The following PCDHGA1 variants were observed in gnomAD, a reference collection of about 807,000 sequenced individuals.
PCDHGA1 encodes the protein protocadherin gamma-A1.
In PCDHGA1, 32 loss-of-function variants were observed where a neutral mutation model predicts 58.0. The ratio of observed to expected loss-of-function variants is 0.55; its 90% confidence interval spans 0.42 to 0.74. The LOEUF (loss-of-function observed/expected upper bound fraction) is 0.74. Among genes scored for constraint, PCDHGA1 ranks in the 30% least tolerant of loss-of-function variants. PCDHGA1 has a pLI of 0.00. For synonymous variants in PCDHGA1, 498 were observed against 501.1 expected (o/e 0.99, Z 0.08); for missense variants, 1,205 against 1,182.3 (o/e 1.02, Z -0.28).
Position 141,399,184 on chromosome 5 carries a change from C to T in PCDHGA1, c.2421+66079C>T, listed in dbSNP as rs1398440525. The T allele has an allele frequency of 1.9e-6, 3 of 1,613,746 alleles. No individual in the cohort carries two copies. In the African/African-American group the frequency reaches 4.0e-5, roughly 22 times the overall value. On this transcript the variant is annotated intron_variant, in intron 1 of 3. Coordinates refer to ENST00000517417, the MANE Select transcript of PCDHGA1 (RefSeq NM_018912.3). The stretch of plus-strand genomic sequence containing the variant: ...ATTCCATTCTCTACTTGAAATGATT[C>T]TGGAAAACGCGGTGCCTGGAACACT...
At chr5:141,417,795 T>C in intron 1 of PCDHGA1, 1 of 1,483,780 alleles carries the variant, frequency 6.7e-7, no homozygotes, top group Non-Finnish European at 9.0e-7. Context: ...AATGCTCTTT[T>C]AGCGCGGTAG....
intron 1 of PCDHGA1, chr5:141,361,949 C>T: frequency 6.2e-7 from 1 of 1,604,150 alleles, no homozygotes; most frequent in Non-Finnish European, 8.5e-7. Flanking sequence ...GCTTGGCTGT[C>T]CTACCACGTG....
chr5:141,444,494 A>G (rs892854259), intron 1 of PCDHGA1, among the ~76,000 whole-genome samples: 1 of 152,010 alleles, frequency 6.6e-6, no homozygotes, highest in Admixed American at 6.6e-5. Flanking sequence ...ATATTGTGTA[A>G]TACTTTGCTC....
At position 141,510,839 on chromosome 5, in the gene PCDHGA1, C is replaced by G. The variant is rs186647886; in HGVS notation, c.2570-108C>G. The stretch of plus-strand genomic sequence containing the variant: ...CTATATTCCCAGTGCTCAGCGTGGT[C>G]AAGGCCCAGGGTGCTGTATAGGCAT... On this transcript the variant is annotated intron_variant, in intron 3 of 3. Coordinates refer to ENST00000517417, the MANE Select transcript of PCDHGA1 (RefSeq NM_018912.3). The G allele has an allele frequency of 6.5e-5, 103 of 1,587,108 alleles. No individual in the cohort carries two copies. The East Asian group carries it at 1.6e-3, about 25-fold the overall frequency.
intron 1 of PCDHGA1, chr5:141,409,534 C>A (rs774144232): frequency 3.1e-6 from 5 of 1,613,986 alleles, no homozygotes; most frequent in Non-Finnish European, 4.2e-6. Flanking sequence ...ATGTCGCTGA[C>A]ATCAACGACA....
At chr5:141,366,899 C>A in intron 1 of PCDHGA1, 1 of 1,196,082 alleles carries the variant, frequency 8.4e-7, no homozygotes, top group Non-Finnish European at 1.1e-6. Flanking sequence ...ATAATTCATG[C>A]TTTCTCCATT....
chr5:141,453,387 G>A (rs1313174494), intron 1 of PCDHGA1, among the ~76,000 whole-genome samples: 1 of 151,936 alleles, frequency 6.6e-6, no homozygotes, highest in Non-Finnish European at 1.5e-5. Flanking sequence ...TCCTGCCTTA[G>A]CCTCCAAGTG....
intron 1 of PCDHGA1, among the ~76,000 whole-genome samples, chr5:141,430,358 C>T (rs2097275535): frequency 6.7e-6 from 1 of 149,028 alleles, no homozygotes; most frequent in South Asian, 2.1e-4. Flanking sequence ...TTTAAAAGCT[C>T]ATTGGGGAAA....
intron 1 of PCDHGA1, chr5:141,409,458 A>G (rs1435071611): frequency 4.3e-6 from 7 of 1,613,820 alleles, no homozygotes; most frequent in East Asian, 2.2e-5. Context: ...CCAGAATACA[A>G]TGTCACCATC....
intron 1 of PCDHGA1, chr5:141,421,399 C>G: frequency 4.3e-6 from 7 of 1,614,046 alleles, no homozygotes; most frequent in Non-Finnish European, 5.1e-6. Context: ...GCTGGAGCCC[C>G]GGGAGCTGGC....
At position 141,487,611 on chromosome 5, in the gene PCDHGA1, T is replaced by C. The variant is rs1215704705; in HGVS notation, c.2422-7196T>C. ...CCACCCTCTGATCTTCTCTATGGGCTAGAGGTGAGACCTTTGCAGGCTCAA... is the reference window on the plus strand; with the variant it reads ...CCACCCTCTGATCTTCTCTATGGGCCAGAGGTGAGACCTTTGCAGGCTCAA... On this transcript the variant is annotated intron_variant, in intron 1 of 3. Transcript: ENST00000517417. This position sits in a 1 kb window ranked among gnomAD's most constrained non-coding sequence, Gnocchi z 5.0. The C allele has an allele frequency of 1.2e-6, 2 of 1,614,206 alleles. No homozygotes were observed. The highest frequency in any genetic ancestry group is 1.7e-6 in the Non-Finnish European group (2 of 1,180,036).
chr5:141,437,664 A>G (rs10035418), intron 1 of PCDHGA1, among the ~76,000 whole-genome samples: 45,525 of 151,942 alleles, frequency 0.3, 8,040 homozygotes, highest in African/African-American at 0.5. Context: ...AGTTTCGAAG[A>G]GATGTTGATC....
chr5:141,406,257 C>T (rs1180988990), intron 1 of PCDHGA1, among the ~76,000 whole-genome samples: 1 of 151,898 alleles, frequency 6.6e-6, no homozygotes, highest in African/African-American at 2.4e-5. Context: ...TGGTCTCAAA[C>T]GATCTTCCTG....
chr5:141,371,597 A>T (rs982667859), intron 1 of PCDHGA1: 1 of 1,613,908 alleles, frequency 6.2e-7, no homozygotes, highest in African/African-American at 1.3e-5. Context: ...CCAAAAACAC[A>T]TACAGGTTGG....
Position 141,490,369 on chromosome 5 carries a change from C to T in PCDHGA1, c.2422-4438C>T, listed in dbSNP as rs201347968. On this transcript the variant is annotated intron_variant, in intron 1 of 3. Transcript: ENST00000517417. This position sits in a 1 kb window ranked among gnomAD's most constrained non-coding sequence, Gnocchi z 5.4. ...AGTGGGGTTGTTTAATGTGCGAGAC[C>T]GGGACTCAGGTAGAAATGGTGAAGT... The T allele has an allele frequency of 4.0e-5, 64 of 1,614,090 alleles. No individual in the cohort carries two copies. In the Admixed American group the frequency reaches 6.0e-4, roughly 15 times the overall value.
intron 1 of PCDHGA1, chr5:141,344,402 T>C: frequency 6.2e-7 from 1 of 1,611,462 alleles, no homozygotes; most frequent in South Asian, 1.1e-5. Flanking sequence ...AAATAGAAAT[T>C]AAAGATATTA....
Position 141,511,151 on chromosome 5 carries a change from C to G in PCDHGA1, c.2774C>G (p.Ser925Trp). The change falls in exon 4 of 4, where the codon TCG becomes TGG. Residue 925 changes from serine (S) to tryptophan (W), a missense_variant. Transcript: ENST00000517417. ...PAGGNGNKKK[S>W]GKKEKK ...GGTGGCAATGGCAACAAGAAGAAGTCGGGCAAGAAGGAGAAGAAGTAACAT... is the reference window on the plus strand; with the variant it reads ...GGTGGCAATGGCAACAAGAAGAAGTGGGGCAAGAAGGAGAAGAAGTAACAT... The G allele has an allele frequency of 6.2e-7, 1 of 1,614,152 alleles. No individual in the cohort carries two copies. Among genetic ancestry groups the G allele is most frequent in the Non-Finnish European group, 8.5e-7 (1 of 1,179,994 alleles).
chr5:141,485,768 C>G lies in PCDHGA1; in HGVS notation c.2422-9039C>G. ...GGTCCCAGAGCTGCTCCTGGAGAAG[C>G]CTTTGGATCGAGAGAAGCAATCGGA... On this transcript the variant is annotated intron_variant, in intron 1 of 3. Coordinates refer to ENST00000517417, the MANE Select transcript of PCDHGA1 (RefSeq NM_018912.3). The surrounding 1 kb of genome is among the most constrained non-coding windows in gnomAD (Gnocchi z 5.7). 5 of 1,614,192 alleles carry G rather than the reference C, an allele frequency of 3.1e-6. No homozygotes were observed. The South Asian group carries it at 3.3e-5, about 11-fold the overall frequency.
chr5:141,421,163 G>C, intron 1 of PCDHGA1: 2 of 1,276,926 alleles, frequency 1.6e-6, no homozygotes, highest in Non-Finnish European at 2.1e-6. Flanking sequence ...GGACTTCATA[G>C]ATACATAAGC....
Sources: allele counts gnomAD v4.1 joint callset (sites outside exome capture counted in the v4.1 genomes callset), GRCh38; gene constraint gnomAD v4.1.1; non-coding constraint Gnocchi (gnomAD v3.1); transcripts MANE v1.5; gene names NCBI Gene and HGNC (gene_info 2026-07-23, HGNC 2026-07-21).